The following RIPOR2 variants were observed in gnomAD, a reference collection of about 807,000 sequenced individuals.
The protein encoded by RIPOR2 is RHO family interacting cell polarization regulator 2, also known as rho family-interacting cell polarization regulator 2.
A neutral mutation model predicts 114.5 loss-of-function variants in RIPOR2; 39 were observed. That is an observed-to-expected ratio of 0.34 (90% CI 0.26 to 0.44). The LOEUF (loss-of-function observed/expected upper bound fraction) is 0.44. Among genes scored for constraint, RIPOR2 ranks in the 20% least tolerant of loss-of-function variants. RIPOR2 has a pLI of 1.00. For missense variants in RIPOR2, 1,007 were observed against 1,255.1 expected, an observed-to-expected ratio of 0.80 and a Z score of 2.99; for synonymous variants, 445 against 484.4, an observed-to-expected ratio of 0.92 and a Z score of 1.07.
chr6:25,020,706 G>C (rs970886850), intron 1 of RIPOR2, among the ~76,000 whole-genome samples: 5 of 152,006 alleles, frequency 3.3e-5, no homozygotes, highest in African/African-American at 1.2e-4. Flanking sequence ...TACCAAACAG[G>C]TATTCAATGT....
intron 1 of RIPOR2, among the ~76,000 whole-genome samples, chr6:24,888,544 T>G (rs921315366): frequency 1.1e-4 from 16 of 152,324 alleles, no homozygotes; most frequent in Middle Eastern, 3.4e-3. Context: ...TCTAGGAGAA[T>G]GTACCCAACA....
intron 1 of RIPOR2, among the ~76,000 whole-genome samples, chr6:24,895,715 G>T (rs761833067): frequency 6.6e-6 from 1 of 152,170 alleles, no homozygotes; most frequent in Non-Finnish European, 1.5e-5. Flanking sequence ...CTTCGGCCGG[G>T]CGCTGTGGCT....
intron 1 of RIPOR2, among the ~76,000 whole-genome samples, chr6:24,961,943 T>A (rs1406910667): frequency 6.6e-6 from 1 of 152,150 alleles, no homozygotes; most frequent in Non-Finnish European, 1.5e-5. Context: ...AAGCATTTTT[T>A]AAATGCTAGC....
intron 4 of RIPOR2, among the ~76,000 whole-genome samples, chr6:24,871,628 C>T (rs1413550153): frequency 6.6e-6 from 1 of 152,240 alleles, no homozygotes; most frequent in Non-Finnish European, 1.5e-5. Flanking sequence ...CTGGGGATTA[C>T]AGGTGTGAGC....
chr6:24,833,321 C>T (rs745842843), intron 15 of RIPOR2, among the ~76,000 whole-genome samples: 1 of 151,896 alleles, frequency 6.6e-6, no homozygotes, highest in Non-Finnish European at 1.5e-5. Context: ...GCCAACATGA[C>T]GAAACCCCAT....
intron 1 of RIPOR2, among the ~76,000 whole-genome samples, chr6:24,906,000 T>C (rs1456971684): frequency 1.3e-5 from 2 of 152,186 alleles, no homozygotes; most frequent in Non-Finnish European, 2.9e-5. Context: ...AACCCAAAAG[T>C]GAAGAGGCAA....
chr6:25,023,625 G>T (rs1776439114), intron 1 of RIPOR2: 3 of 763,694 alleles, frequency 3.9e-6, no homozygotes, highest in Non-Finnish European at 7.2e-6. Flanking sequence ...GTGTGGTAAA[G>T]GATGGTGCCT....
Position 24,865,412 on chromosome 6 carries a change from G to A in RIPOR2, c.540C>T (p.Arg180=), listed in dbSNP as rs1164204615. ...TCATTTTGCTGGCACCATCCTGGAG[G>A]CGTCGCTGGATACAATAAGCTTCAT... is the stretch of plus-strand genomic sequence containing the variant. ...ELYEAYCIQR[R]LQDGASKMKQ... Residue 180 remains arginine, a synonymous_variant, in exon 7 of 22, where the codon CGC becomes CGT. Coordinates refer to ENST00000643898, the MANE Select transcript of RIPOR2 (RefSeq NM_001286445.3). The A allele has an allele frequency of 6.2e-7, 1 of 1,613,374 alleles. No homozygotes were observed. The highest frequency in any genetic ancestry group is 2.2e-5 in the East Asian group (1 of 44,872).
At chr6:24,898,829 A>G (rs1768131161) in intron 1 of RIPOR2, among the ~76,000 whole-genome samples, 1 of 152,056 alleles carries the variant, frequency 6.6e-6, no homozygotes, top group African/African-American at 2.4e-5. Context: ...TCAGAGTAAA[A>G]TTTACTGCTC....
At chr6:24,970,258 C>A (rs1222674683) in intron 1 of RIPOR2, among the ~76,000 whole-genome samples, 5 of 152,240 alleles carry the variant, frequency 3.3e-5, no homozygotes, top group African/African-American at 1.2e-4. Context: ...TGTTATGAAT[C>A]CCTTACTCCT....
upstream of RIPOR2, chr6:25,042,101 T>C: frequency 1.9e-6 from 1 of 524,950 alleles, no homozygotes; most frequent in Non-Finnish European, 3.3e-6. Context: ...TTGACTTCTT[T>C]TATCTTGTAA....
intron 1 of RIPOR2, among the ~76,000 whole-genome samples, chr6:25,036,987 G>C (rs1331371808): frequency 6.6e-6 from 1 of 152,304 alleles, no homozygotes; most frequent in East Asian, 1.9e-4. Flanking sequence ...GGGAAAAAAT[G>C]TGGAGGTGGC....
Position 25,023,380 on chromosome 6 carries a change from G to A in RIPOR2, c.76+18471C>T, listed in dbSNP as rs117073191. 1,784 of 780,168 alleles carry A rather than the reference G, an allele frequency of 2.3e-3. 19 individuals carry two copies. Among genetic ancestry groups the A allele is most frequent in the South Asian group, 8.8e-3 (660 of 74,642 alleles). 48.3% of individuals were successfully genotyped at this position (780,168 alleles called of 1,614,324 possible). On this transcript the variant is annotated intron_variant, in intron 1 of 13. Coordinates refer to the RIPOR2 transcript ENST00000510784. Reference sequence around the variant, plus strand: ...ACACGTTCATGCTCACCGGCTCCTCGTTGTAGGGAGAGAGTGGGGACTCCC... The same window carrying A: ...ACACGTTCATGCTCACCGGCTCCTCATTGTAGGGAGAGAGTGGGGACTCCC...
intron 8 of RIPOR2, 126 bp from the exon 9 acceptor site, chr6:24,852,744 T>TG (rs1763087842): frequency 1.6e-6 from 1 of 630,988 alleles, no homozygotes; most frequent in Non-Finnish European, 2.6e-6. Flanking sequence ...TAACACTTTT[T>TG]GGGGCCATTC....
At chr6:24,981,188 T>A (rs1774274642) in intron 1 of RIPOR2, among the ~76,000 whole-genome samples, 1 of 152,238 alleles carries the variant, frequency 6.6e-6, no homozygotes, top group Non-Finnish European at 1.5e-5. Flanking sequence ...CCTGTGAGCC[T>A]AGAGTTGCCT....
At chr6:24,887,364 G>A (rs1268354363) in intron 1 of RIPOR2, among the ~76,000 whole-genome samples, 1 of 152,122 alleles carries the variant, frequency 6.6e-6, no homozygotes, top group African/African-American at 2.4e-5. Flanking sequence ...CAAGTCACCT[G>A]CTCTCTCTAA....
At chr6:24,888,984 C>T (rs1288764896) in intron 1 of RIPOR2, among the ~76,000 whole-genome samples, 11 of 152,174 alleles carry the variant, frequency 7.2e-5, no homozygotes, top group Non-Finnish European at 1.6e-4. Flanking sequence ...TAATTCAGCC[C>T]TTTCAAACTC....
chr6:24,975,874 T>G (rs932576605), intron 1 of RIPOR2, among the ~76,000 whole-genome samples: 4 of 152,070 alleles, frequency 2.6e-5, no homozygotes, highest in African/African-American at 9.7e-5. Flanking sequence ...CATACCTCAG[T>G]AAAGCTGGGA....
chr6:24,854,361 A>G (rs6917174), intron 8 of RIPOR2, among the ~76,000 whole-genome samples: 3 of 152,230 alleles, frequency 2.0e-5, no homozygotes, highest in Non-Finnish European at 4.4e-5. Flanking sequence ...ACATGGGTGT[A>G]CAGATACTTC....
Sources: allele counts gnomAD v4.1 joint callset (sites outside exome capture counted in the v4.1 genomes callset), GRCh38; gene constraint gnomAD v4.1.1; transcripts MANE v1.5; gene names NCBI Gene and HGNC (gene_info 2026-07-23, HGNC 2026-07-21).